The following ERBB4 variants were observed in gnomAD, a reference collection of about 807,000 sequenced individuals.
ERBB4 encodes erb-b2 receptor tyrosine kinase 4.
In ERBB4, 42 loss-of-function variants were observed where a neutral mutation model predicts 158.0. The observed-to-expected ratio is 0.27, with a 90% confidence interval of 0.21 to 0.34. The LOEUF is 0.34. Among genes scored for constraint, ERBB4 ranks in the 10% least tolerant of loss-of-function variants. The pLI is 1.00. For missense variants in ERBB4, 1,333 were observed against 1,624.1 expected, an observed-to-expected ratio of 0.82 and a Z score of 3.08; for synonymous variants, 583 against 558.7, an observed-to-expected ratio of 1.04 and a Z score of -0.61.
chr2:211,753,398 GA>G (rs1422479262), intron 4 of ERBB4, among the ~76,000 whole-genome samples: 1 of 152,040 alleles, frequency 6.6e-6, no homozygotes, highest in East Asian at 1.9e-4. Context: ...TTAAGCAATG[GA>G]CATAAAATAT....
intron 2 of ERBB4, among the ~76,000 whole-genome samples, chr2:212,020,424 C>T (rs928887449): frequency 1.3e-5 from 2 of 152,002 alleles, no homozygotes; most frequent in Non-Finnish European, 2.9e-5. Context: ...TCCTAGGTCA[C>T]CTTACAATGA....
rs531135120 is a variant in ERBB4, at chr2:212,168,298, T to C, written c.83-43395A>G. On this transcript the variant is annotated intron_variant, in intron 1 of 27. Transcript: ENST00000342788. ...GTAAAGGAAAAGAAATATTTCCTCT[T>C]TGCAGATTTAAATGAGTTTCGTATA... Among the ~76,000 whole-genome samples, 7 of 152,276 alleles carry C rather than the reference T, an allele frequency of 4.6e-5. No individual in the cohort carries two copies. The East Asian group carries it at 9.7e-4, about 21-fold the overall frequency.
intron 2 of ERBB4, among the ~76,000 whole-genome samples, chr2:211,999,033 T>C (rs981889038): frequency 1.3e-5 from 2 of 151,768 alleles, no homozygotes; most frequent in Non-Finnish European, 3.0e-5. Context: ...TTTTATTTCT[T>C]AGAATATTTT....
chr2:212,136,044 C>T (rs893421419), intron 1 of ERBB4, among the ~76,000 whole-genome samples: 3 of 152,172 alleles, frequency 2.0e-5, no homozygotes, highest in Non-Finnish European at 4.4e-5. Flanking sequence ...CTTCAACCAT[C>T]CCCTCGTGTC....
At chr2:211,774,837 G>A (rs545181365) in intron 4 of ERBB4, among the ~76,000 whole-genome samples, 62 of 152,196 alleles carry the variant, frequency 4.1e-4, no homozygotes, top group South Asian at 1.9e-3. Context: ...GGGTTATTCC[G>A]GTCTGATGTA....
chr2:212,085,066 C>A (rs1242486410), intron 2 of ERBB4, among the ~76,000 whole-genome samples: 1 of 151,850 alleles, frequency 6.6e-6, no homozygotes, highest in African/African-American at 2.4e-5. Flanking sequence ...AATAAACATG[C>A]ATTTTCCTGT....
intron 20 of ERBB4, among the ~76,000 whole-genome samples, chr2:211,501,532 C>T (rs1027114480): frequency 1.5e-4 from 23 of 150,490 alleles, no homozygotes; most frequent in Admixed American, 4.0e-4. Flanking sequence ...ATTTGATTTG[C>T]TTGTGTGTTT....
chr2:211,432,454 A>G (rs1227610633), intron 20 of ERBB4, among the ~76,000 whole-genome samples: 1 of 152,178 alleles, frequency 6.6e-6, no homozygotes, highest in Non-Finnish European at 1.5e-5. Flanking sequence ...CGCTGTGTGT[A>G]TTAGTGTTTT....
At chr2:212,475,793 G>A (rs1340666767) in intron 1 of ERBB4, among the ~76,000 whole-genome samples, 3 of 151,962 alleles carry the variant, frequency 2.0e-5, no homozygotes, top group East Asian at 3.9e-4. Flanking sequence ...TTATTTAAAA[G>A]AAAATAATAA....
intron 2 of ERBB4, among the ~76,000 whole-genome samples, chr2:212,061,732 C>A (rs180695107): frequency 3.4e-5 from 5 of 145,962 alleles, no homozygotes; most frequent in African/African-American, 1.0e-4. Flanking sequence ...TTCCTTTTTT[C>A]TTTTCTTTTT....
At chr2:211,802,228 C>A (rs757367190) in intron 3 of ERBB4, among the ~76,000 whole-genome samples, 11 of 150,720 alleles carry the variant, frequency 7.3e-5, no homozygotes, top group Admixed American at 4.0e-4. Context: ...CGCTGCAGTA[C>A]GGCCTGGGCG....
chr2:212,019,142 C>T (rs796785318), intron 2 of ERBB4, among the ~76,000 whole-genome samples: 9 of 152,146 alleles, frequency 5.9e-5, no homozygotes, highest in African/African-American at 2.2e-4. Flanking sequence ...CCTAGAGGGA[C>T]AATGTAGAAT....
chr2:211,422,188 A>G (rs1382763309), intron 23 of ERBB4, 84 bp from the exon 24 acceptor site: 2 of 831,492 alleles, frequency 2.4e-6, no homozygotes, highest in Non-Finnish European at 2.0e-6. Flanking sequence ...TATGAGCAAA[A>G]GTTTGAAAAA....
At chr2:212,460,883 C>T (rs1328601552) in intron 1 of ERBB4, among the ~76,000 whole-genome samples, 1 of 152,204 alleles carries the variant, frequency 6.6e-6, no homozygotes, top group Non-Finnish European at 1.5e-5. Context: ...GCAGCCCCTG[C>T]TATCACAGGC....
At chr2:211,962,267 TA>T (rs1438069340) in intron 2 of ERBB4, among the ~76,000 whole-genome samples, 1 of 152,208 alleles carries the variant, frequency 6.6e-6, no homozygotes, top group Admixed American at 6.6e-5. Context: ...CTCCAATTGA[TA>T]TATGAAATCA....
At chr2:212,286,047 TG>T (rs1322036979) in intron 1 of ERBB4, among the ~76,000 whole-genome samples, 1 of 152,158 alleles carries the variant, frequency 6.6e-6, no homozygotes, top group African/African-American at 2.4e-5. Context: ...AATGTCATAA[TG>T]GGCAACATGA....
At chr2:211,585,492 TA>T (rs1285738237) in intron 19 of ERBB4, among the ~76,000 whole-genome samples, 5 of 152,148 alleles carry the variant, frequency 3.3e-5, no homozygotes, top group African/African-American at 1.2e-4. Flanking sequence ...ATTGATAGCA[TA>T]AATAAGAAAT....
chr2:211,993,577 AT>A (rs151240893), intron 2 of ERBB4, among the ~76,000 whole-genome samples: 3,391 of 149,028 alleles, frequency 0.023, 53 homozygotes, highest in South Asian at 0.06. Flanking sequence ...CCAAATTGCT[AT>A]TTTTTTTTTC....
At chr2:211,808,890 T>C (rs2076682882) in intron 3 of ERBB4, among the ~76,000 whole-genome samples, 3 of 152,190 alleles carry the variant, frequency 2.0e-5, no homozygotes, top group African/African-American at 7.2e-5. Flanking sequence ...TTTGTAGCAA[T>C]TGTGAATGGC....
Sources: allele counts gnomAD v4.1 joint callset (sites outside exome capture counted in the v4.1 genomes callset), GRCh38; gene constraint gnomAD v4.1.1; transcripts MANE v1.5; gene names NCBI Gene and HGNC (gene_info 2026-07-23, HGNC 2026-07-21).